Variants in CCDC149 observed in about 807,000 individuals in gnomAD.
The protein encoded by CCDC149 is coiled-coil domain containing 149.
A neutral mutation model predicts 59.9 loss-of-function variants in CCDC149; 45 were observed. That is an observed-to-expected ratio of 0.75 (90% CI 0.59 to 0.96). The LOEUF is 0.96. Ranked by LOEUF, CCDC149 falls within the 40% of genes least tolerant of loss-of-function variation. The pLI is 0.00. For synonymous variants in CCDC149, 245 were observed against 260.6 expected, an observed-to-expected ratio of 0.94 and a Z score of 0.58; for missense variants, 584 against 664.7, an observed-to-expected ratio of 0.88 and a Z score of 1.33.
At chr4:24,898,624 T>C (rs546158395) in intron 1 of CCDC149, among the ~76,000 whole-genome samples, 30 of 152,284 alleles carry the variant, frequency 2.0e-4, no homozygotes, top group African/African-American at 6.7e-4. Flanking sequence ...TAAGTGTCTA[T>C]CCTGTGCCTA....
intron 3 of CCDC149, among the ~76,000 whole-genome samples, chr4:24,863,361 C>T (rs1314954027): frequency 2.0e-5 from 3 of 152,188 alleles, no homozygotes; most frequent in African/African-American, 7.2e-5. Context: ...ATTCCAGACA[C>T]TGGAAATAGG....
intron 1 of CCDC149, among the ~76,000 whole-genome samples, chr4:24,908,147 G>A (rs1721647338): frequency 1.3e-5 from 2 of 152,170 alleles, no homozygotes; most frequent in South Asian, 4.1e-4. Context: ...TGGCAGTTGA[G>A]GGGAGGGTGT....
chr4:24,853,080 C>T lies in CCDC149; in HGVS notation c.364G>A (p.Asp122Asn), dbSNP rs1717766062. The T allele has an allele frequency of 3.7e-6, 6 of 1,607,164 alleles. No homozygotes were observed. The highest frequency in any genetic ancestry group is 2.2e-5 in the South Asian group (2 of 90,894). The change falls in exon 4 of 13, where the codon GAC becomes AAC. Residue 122 changes from aspartate to asparagine, a missense_variant. Physicochemically the swap from Asp to Asn is conservative, Grantham distance 23. Transcript: ENST00000635206. ...GTAAATACTCACAGTACCTTGTTGT[C>T]GCCCTGGACTTCTCCAAGCCTTTGC...
intron 4 of CCDC149, among the ~76,000 whole-genome samples, chr4:24,848,865 A>G (rs1010065885): frequency 3.3e-5 from 5 of 152,224 alleles, no homozygotes; most frequent in African/African-American, 1.2e-4. Context: ...TGCTCAGTGA[A>G]GATGGAAAAG....
chr4:24,809,298 A>G (rs1464274568), intron 12 of CCDC149, among the ~76,000 whole-genome samples: 1 of 152,214 alleles, frequency 6.6e-6, no homozygotes, highest in Non-Finnish European at 1.5e-5. Context: ...TCAGCATCTC[A>G]TTCCTTAATG....
rs540277904 is a variant in CCDC149, at chr4:24,936,738, A to G, written c.-64-41620T>C. ...GCAGTGGGGATGTTACCACTGGTGG[A>G]ATGGGAGTTTTAGAGGCTCACTGGA... On this transcript the variant is annotated intron_variant, in intron 1 of 12. Transcript: ENST00000389609. 6.6e-5 allele frequency among the ~76,000 whole-genome samples: 10 copies of G among 152,266 alleles called. No individual in the cohort carries two copies. In the South Asian group the frequency reaches 1.9e-3, roughly 28 times the overall value.
intron 1 of CCDC149, among the ~76,000 whole-genome samples, chr4:24,893,613 C>CTTTTTTTTTTTGTTTTTTTTTTTTTTT (rs1720657968): frequency 1.5e-5 from 1 of 65,876 alleles, no homozygotes; most frequent in Non-Finnish European, 2.6e-5. Flanking sequence ...AAAATACAGA[C>CTTTTTTTTTTTGTTTTTTTTTTTTTTT]TTTTTTTTTT....
At chr4:24,820,125 T>A in intron 11 of CCDC149, 150 bp from the exon 12 acceptor site, 1 of 607,394 alleles carries the variant, frequency 1.6e-6, no homozygotes, top group Non-Finnish European at 2.9e-6. Context: ...TGCTCCATAC[T>A]TCCTTACACT....
chr4:24,820,887 C>T (rs1167651476), intron 11 of CCDC149, among the ~76,000 whole-genome samples, 168 bp downstream of exon 11: 1 of 152,136 alleles, frequency 6.6e-6, no homozygotes, highest in African/African-American at 2.4e-5. Context: ...CTAATGTCAT[C>T]CTTTAATATT....
At chr4:24,903,380 A>G (rs141752445) in intron 1 of CCDC149, among the ~76,000 whole-genome samples, 148 of 152,304 alleles carry the variant, frequency 9.7e-4, no homozygotes, top group African/African-American at 3.2e-3. Context: ...TCAGTCTCCA[A>G]GAAGGAACAC....
chr4:24,854,270 T>C (rs1197714367), intron 3 of CCDC149, among the ~76,000 whole-genome samples: 1 of 152,242 alleles, frequency 6.6e-6, no homozygotes, highest in African/African-American at 2.4e-5. Context: ...AATTCTCACC[T>C]GACTTATCAC....
chr4:24,839,745 A>T (rs113634170), intron 4 of CCDC149, among the ~76,000 whole-genome samples: 71 of 152,270 alleles, frequency 4.7e-4, no homozygotes, highest in African/African-American at 1.6e-3. Context: ...TGCCCATCAC[A>T]ACTCCAAGGA....
At position 24,808,684 on chromosome 4, in the gene CCDC149, G is replaced by A; in HGVS notation, c.1328C>T (p.Pro443Leu). The change falls in exon 13 of 13, where the codon CCT becomes CTT. Residue 443 changes from proline (P) to leucine (L), a missense_variant. Coordinates refer to ENST00000635206, the MANE Select transcript of CCDC149 (RefSeq NM_001330643.2). Reference sequence around the variant, plus strand: ...CTCAGAAGGTAACTGGGGTAATGAAGGATGAAAGAGCTTGCATTGGTTCCC... The same window carrying A: ...CTCAGAAGGTAACTGGGGTAATGAAAGATGAAAGAGCTTGCATTGGTTCCC... The A allele has an allele frequency of 6.4e-7, 1 of 1,552,404 alleles. No individual in the cohort carries two copies. Among genetic ancestry groups the A allele is most frequent in the Non-Finnish European group, 8.7e-7 (1 of 1,147,138 alleles).
intron 3 of CCDC149, among the ~76,000 whole-genome samples, chr4:24,855,455 A>T (rs1037210479): frequency 6.6e-6 from 1 of 152,110 alleles, no homozygotes; most frequent in Non-Finnish European, 1.5e-5. Context: ...AGTCCCAGCT[A>T]CAGTGGAGGC....
intron 1 of CCDC149, among the ~76,000 whole-genome samples, chr4:24,947,703 T>A (rs980431273): frequency 2.6e-5 from 4 of 152,110 alleles, no homozygotes; most frequent in African/African-American, 4.8e-5. Context: ...CCACCACTCA[T>A]CTTGTGGGCT....
Position 24,808,334 on chromosome 4 carries a change from T to A in CCDC149, c.*55A>T. The A allele has an allele frequency of 7.1e-7, 1 of 1,404,898 alleles. No individual in the cohort carries two copies. The highest frequency in any genetic ancestry group is 9.3e-7 in the Non-Finnish European group (1 of 1,071,708). 87.0% of individuals were successfully genotyped at this position (1,404,898 alleles called of 1,614,324 possible). ...GTGAGCGCACCATTCCGATGCTTCATTCTTGACCCTCTCTGGGGCTTTCAA... is the reference window on the plus strand; with the variant it reads ...GTGAGCGCACCATTCCGATGCTTCAATCTTGACCCTCTCTGGGGCTTTCAA... On this transcript the variant is annotated 3_prime_UTR_variant, in exon 13 of 13. Coordinates refer to ENST00000635206, the MANE Select transcript of CCDC149 (RefSeq NM_001330643.2).
chr4:24,892,645 G>A (rs2109288537), intron 1 of CCDC149, among the ~76,000 whole-genome samples: 1 of 152,268 alleles, frequency 6.6e-6, no homozygotes, highest in East Asian at 1.9e-4. Flanking sequence ...TCCTCACAAG[G>A]AGGCCCTCTG....
At chr4:24,860,709 T>A (rs1207568531) in intron 3 of CCDC149, among the ~76,000 whole-genome samples, 1 of 152,068 alleles carries the variant, frequency 6.6e-6, no homozygotes, top group Non-Finnish European at 1.5e-5. Flanking sequence ...AACAAAGGAC[T>A]AATATCCAGA....
At position 24,819,949 on chromosome 4, in the gene CCDC149, C is replaced by T. The variant is rs1457887766; in HGVS notation, c.1102G>A (p.Asp368Asn). The T allele has an allele frequency of 4.5e-6, 7 of 1,551,156 alleles. No individual in the cohort carries two copies. Among genetic ancestry groups the T allele is most frequent in the African/African-American group, 1.4e-5 (1 of 72,958 alleles). The change falls in exon 12 of 13, where the codon GAC becomes AAC. Residue 368 changes from aspartate (D) to asparagine (N), a missense_variant. By Grantham distance (23) the Asp-to-Asn change is conservative. Transcript: ENST00000635206. The stretch of plus-strand genomic sequence containing the variant: ...CTCTGTCCACTAGGAAGAGTGGGGT[C>T]GCTGAACAGTATGGTGTCCTTGCCC...
Sources: allele counts gnomAD v4.1 joint callset (sites outside exome capture counted in the v4.1 genomes callset), GRCh38; gene constraint gnomAD v4.1.1; transcripts MANE v1.5; gene names NCBI Gene and HGNC (gene_info 2026-07-23, HGNC 2026-07-21).